Variants in MDN1 observed in about 807,000 individuals in gnomAD.
MDN1 encodes midasin.
A neutral mutation model predicts 669.2 loss-of-function variants in MDN1; 266 were observed. The observed-to-expected ratio is 0.40, with a 90% CI of 0.36 to 0.44. The LOEUF is 0.44. Ranked by LOEUF, MDN1 falls within the 20% of genes least tolerant of loss-of-function variation. MDN1 has a pLI of 1.00. For synonymous variants in MDN1, 2,385 were observed against 2,457.1 expected (o/e 0.97, Z 0.87); for missense variants, 5,940 against 6,754.0 (o/e 0.88, Z 4.22).
rs116548733 is a variant in MDN1 at position 89,769,628 on chromosome 6, G to A, written c.2144+1933C>T. Among the ~76,000 whole-genome samples the A allele has an allele frequency of 5.3e-3, 807 of 152,254 alleles. 8 individuals are homozygous for A. Among genetic ancestry groups the A allele is most frequent in the African/African-American group, 0.018 (728 of 41,540 alleles). ...CTTTTCAAATGGAAATGTAAGTAGC[G>A]TTTTCTTTTAATAAGTGATGCTGAC... is the stretch of plus-strand genomic sequence containing the variant. On this transcript the variant is annotated intron_variant, in intron 15 of 101. Transcript: ENST00000369393.
intron 80 of MDN1, 137 bp from the exon 81 acceptor site, chr6:89,672,839 A>G: frequency 1.1e-6 from 1 of 940,744 alleles, no homozygotes; most frequent in Non-Finnish European, 1.5e-6. Context: ...CAAAGAAGAG[A>G]CAAATTCCTT....
intron 8 of MDN1, 59 bp from the exon 9 acceptor site, chr6:89,785,185 T>G: frequency 8.9e-7 from 1 of 1,127,778 alleles, no homozygotes; most frequent in African/African-American, 1.5e-5. Flanking sequence ...TCCTGAATTG[T>G]GCCTCTGGAT....
chr6:89,749,257 C>T lies in MDN1; in HGVS notation c.3728G>A (p.Cys1243Tyr). 6.2e-7 allele frequency: 1 copy of T among 1,613,986 alleles called. No homozygotes were observed. The highest frequency in any genetic ancestry group is 1.1e-5 in the South Asian group (1 of 91,068). The change falls in exon 26 of 102, where the codon TGC (cysteine) becomes TAC (tyrosine). Residue 1243 changes from cysteine (C) to tyrosine (Y), a missense_variant. Physicochemically the swap from Cys to Tyr is radical, Grantham distance 194. Coordinates refer to ENST00000369393, the MANE Select transcript of MDN1 (RefSeq NM_014611.3). ...CAGCATGACTTTAACCAACTTGCTG[C>T]AATAGGAGGGTGGCAAACTACACCG... is the stretch of plus-strand genomic sequence containing the variant. ...HKRCSLPPSY[C>Y]SKLVKVMLDL...
At position 89,756,302 on chromosome 6, in the gene MDN1, T is replaced by C; in HGVS notation, c.2791A>G (p.Lys931Glu). ...TTTATGATTCCTTGCACTGTATTCT[T>C]GTTCACACTCAATCCTTTCAGATAA... ...VDYLKGLSVNKNTVQGIINFY... is the reference protein window; with the variant it reads ...VDYLKGLSVNENTVQGIINFY... The change falls in exon 20 of 102, where the codon AAG becomes GAG. Residue 931 changes from lysine (K) to glutamate (E), a missense_variant. Coordinates refer to ENST00000369393, the MANE Select transcript of MDN1 (RefSeq NM_014611.3). 6.3e-7 allele frequency: 1 copy of C among 1,590,738 alleles called. No homozygotes were observed. The highest frequency in any genetic ancestry group is 8.6e-7 in the Non-Finnish European group (1 of 1,166,970).
At position 89,662,849 on chromosome 6, in the gene MDN1, C is replaced by T; in HGVS notation, c.14355G>A (p.Glu4785=). The T allele has an allele frequency of 6.3e-7, 1 of 1,596,756 alleles. No homozygotes were observed. The highest frequency in any genetic ancestry group is 8.6e-7 in the Non-Finnish European group (1 of 1,164,310). Reference sequence around the variant, plus strand: ...TATTGTCTTCTTCCTCCTCATCTTCCTCCTCATCATCATCACCCCAAAGCC... The same window carrying T: ...TATTGTCTTCTTCCTCCTCATCTTCTTCCTCATCATCATCACCCCAAAGCC... ...DERLWGDDDE[E]EDEEEEDNKT... Residue 4785 remains glutamate, a synonymous_variant, in exon 86 of 102, where the codon GAG becomes GAA. Transcript: ENST00000369393.
At chr6:89,786,924 C>CAA (rs35077997) in intron 8 of MDN1, among the ~76,000 whole-genome samples, 37 of 76,506 alleles carry the variant, frequency 4.8e-4, no homozygotes, top group Non-Finnish European at 6.8e-4. Context: ...GACTCCATCT[C>CAA]AAAAAAAAAA....
intron 15 of MDN1, among the ~76,000 whole-genome samples, chr6:89,768,391 T>C (rs1817908961): frequency 6.6e-6 from 1 of 152,196 alleles, no homozygotes; most frequent in Non-Finnish European, 1.5e-5. Context: ...CCACCATCCA[T>C]GTAAGACACG....
At chr6:89,685,739 C>T in intron 70 of MDN1, 88 bp downstream of exon 70, 1 of 1,421,198 alleles carries the variant, frequency 7.0e-7, no homozygotes, top group Non-Finnish European at 9.5e-7. Flanking sequence ...ACCTAGCGTG[C>T]AACAAGGCAC....
Position 89,740,314 on chromosome 6 carries a change from C to T in MDN1, c.4513G>A (p.Glu1505Lys). 6.2e-7 allele frequency: 1 copy of T among 1,610,130 alleles called. No individual in the cohort carries two copies. The highest frequency in any genetic ancestry group is 8.5e-7 in the Non-Finnish European group (1 of 1,178,890). The change falls in exon 32 of 102, where the codon GAA (glutamate) becomes AAA (lysine). Residue 1505 changes from glutamate (E) to lysine (K), a missense_variant. Glu to Lys is a moderately conservative substitution (Grantham distance 56). Transcript: ENST00000369393. The stretch of plus-strand genomic sequence containing the variant: ...TTCCCAGCAGTCAACAGCTCTATTT[C>T]ACTATCCTTGTCCTCTGGACTGCCT... Reference protein sequence around the residue: ...EKGSPEDKDSEIELLTAGKKF... With the variant: ...EKGSPEDKDSKIELLTAGKKF...
intron 28 of MDN1, 34 bp from the exon 29 acceptor site, chr6:89,745,445 T>C: frequency 6.2e-7 from 1 of 1,613,984 alleles, no homozygotes; most frequent in Non-Finnish European, 8.5e-7. Context: ...TAGATTCTAA[T>C]GAGTACAACT....
intron 2 of MDN1, among the ~76,000 whole-genome samples, chr6:89,797,042 T>C (rs1584386546): frequency 1.3e-5 from 2 of 151,122 alleles, no homozygotes; most frequent in East Asian, 2.0e-4. Context: ...CACTCCAGCA[T>C]GGGCAACAAG....
Position 89,681,218 on chromosome 6 carries a change from G to A in MDN1, c.12103-467C>T, listed in dbSNP as rs371163995. On this transcript the variant is annotated intron_variant, in intron 73 of 101. Transcript: ENST00000369393. ...AGACAGGGTCTGGCTTTGTCACCCA[G>A]GCTGAAGTGCAGTGACCCGATGTTG... Among the ~76,000 whole-genome samples, 29 of 151,974 alleles carry A rather than the reference G, an allele frequency of 1.9e-4. 1 individual carries two copies. The highest frequency in any genetic ancestry group is 6.8e-4 in the African/African-American group (28 of 41,414).
intron 45 of MDN1, among the ~76,000 whole-genome samples, chr6:89,715,028 T>C (rs182252848): frequency 1.2e-4 from 19 of 152,298 alleles, no homozygotes; most frequent in Middle Eastern, 3.4e-3. Flanking sequence ...CTGTACTAAT[T>C]CATTATTCTA....
rs1769121706 is a variant in MDN1 at position 89,819,611 on chromosome 6, C to G, written c.-4G>C. 1 of 1,600,424 alleles carries G rather than the reference C, an allele frequency of 6.2e-7. No homozygotes were observed. The highest frequency in any genetic ancestry group is 1.3e-5 in the African/African-American group (1 of 75,042). On this transcript the variant is annotated 5_prime_UTR_variant, in exon 1 of 102. Transcript: ENST00000369393. The stretch of plus-strand genomic sequence containing the variant: ...CCTCCAGCAAGAAGTGCTCCATGAC[C>G]CAGGGCCCTCACCCCGAGCGGCCAC...
chr6:89,686,808 C>T (rs930655033), intron 69 of MDN1, 94 bp downstream of exon 69: 43 of 1,493,126 alleles, frequency 2.9e-5, no homozygotes, highest in South Asian at 2.7e-4. Context: ...AGCCATGTAG[C>T]GGGAGAAGCG....
chr6:89,745,773 T>A, intron 27 of MDN1, 147 bp from the exon 28 acceptor site: 1 of 745,168 alleles, frequency 1.3e-6, no homozygotes, highest in Non-Finnish European at 2.2e-6. Context: ...CTATTACAAT[T>A]AACCATATAC....
chr6:89,802,761 T>A (rs1381097283), intron 2 of MDN1, among the ~76,000 whole-genome samples: 1 of 152,182 alleles, frequency 6.6e-6, no homozygotes. Context: ...CAGTGAAAGT[T>A]TTAAAAATCT....
chr6:89,744,151 A>G (rs1816460792), intron 29 of MDN1, among the ~76,000 whole-genome samples: 1 of 151,802 alleles, frequency 6.6e-6, no homozygotes, highest in East Asian at 1.9e-4. Flanking sequence ...AGAGAGGGAA[A>G]AGAAATCTAA....
chr6:89,673,548 G>T, intron 79 of MDN1, 86 bp from the exon 80 acceptor site: 1 of 1,194,872 alleles, frequency 8.4e-7, no homozygotes, highest in Non-Finnish European at 1.2e-6. Flanking sequence ...TACAAGATAT[G>T]CAAGGTAGAA....
Sources: gnomAD v4.1 joint callset for allele counts (sites outside exome capture counted in the v4.1 genomes callset) on GRCh38, gnomAD v4.1.1 for gene constraint, MANE v1.5 for transcripts, NCBI Gene and HGNC (gene_info 2026-07-23, HGNC 2026-07-21) for gene names.